FBXO42: variants seen among roughly 807,000 people sequenced by gnomAD.
FBXO42 encodes the protein F-box only protein 42.
In FBXO42, 12 loss-of-function variants were observed where a neutral mutation model predicts 71.7. The observed-to-expected ratio is 0.17, with a 90% CI of 0.11 to 0.27. The LOEUF (loss-of-function observed/expected upper bound fraction) is 0.27. Among genes scored for constraint, FBXO42 ranks in the 10% least tolerant of loss-of-function variants. The pLI is 1.00. For synonymous variants in FBXO42, 325 were observed against 327.5 expected (o/e 0.99, Z 0.08); for missense variants, 707 against 911.9 (o/e 0.78, Z 2.89).
chr1:16,344,252 C>T (rs1274116832), intron 1 of FBXO42, among the ~76,000 whole-genome samples: 2 of 151,698 alleles, frequency 1.3e-5, no homozygotes, highest in Non-Finnish European at 2.9e-5. Context: ...CCCGTCTCAG[C>T]CTCCCAAAGT....
chr1:16,297,169 C>T (rs1384021657), intron 3 of FBXO42, among the ~76,000 whole-genome samples: 1 of 152,052 alleles, frequency 6.6e-6, no homozygotes. Flanking sequence ...GTCTCGAACT[C>T]CTGACCTCAG....
intron 4 of FBXO42, among the ~76,000 whole-genome samples, chr1:16,290,248 A>G (rs2082063989): frequency 6.6e-6 from 1 of 152,194 alleles, no homozygotes; most frequent in African/African-American, 2.4e-5. Flanking sequence ...ATTAATTCCA[A>G]CTGGTATAGA....
At chr1:16,315,130 T>A in intron 2 of FBXO42, 39 bp downstream of exon 2, 4 of 1,550,272 alleles carry the variant, frequency 2.6e-6, no homozygotes, top group Non-Finnish European at 3.5e-6. Context: ...TCAGTGAAAT[T>A]TGAAATCAAT....
At position 16,250,769 on chromosome 1, in the gene FBXO42, C is replaced by T; in HGVS notation, c.2055G>A (p.Arg685=). 3 of 1,614,174 alleles carry T rather than the reference C, an allele frequency of 1.9e-6. No homozygotes were observed. The highest frequency in any genetic ancestry group is 2.5e-6 in the Non-Finnish European group (3 of 1,180,040). ...ETSLHTVVQG[R]GELIIFGGLM... is the part of the protein sequence containing the mutation. ...GTCCTCCAAATATGATGAGTTCACCCCTGCCTTGTACCACGGTATGCAGGC... is the reference window on the plus strand; with the variant it reads ...GTCCTCCAAATATGATGAGTTCACCTCTGCCTTGTACCACGGTATGCAGGC... The change falls in exon 10 of 10, where the codon AGG becomes AGA. Residue 685 remains arginine (R), a synonymous_variant. Transcript: ENST00000375592. The surrounding 1 kb of genome is among the most constrained non-coding windows in gnomAD (Gnocchi z 4.7).
chr1:16,257,668 G>A (rs1405848228), intron 4 of FBXO42, among the ~76,000 whole-genome samples: 1 of 152,132 alleles, frequency 6.6e-6, no homozygotes, highest in Non-Finnish European at 1.5e-5. Flanking sequence ...CCAGGTGTCA[G>A]TAAATACCAG....
Position 16,316,031 on chromosome 1 carries a change from A to G in FBXO42, c.-17-596T>C, listed in dbSNP as rs190141000. On this transcript the variant is annotated intron_variant, in intron 1 of 9. Transcript: ENST00000375592. Reference sequence around the variant, plus strand: ...ACTAAAAATTGAAAATTAGCTGGGCATGGTGGCACATGCCTGTAATCCCAG... The same window carrying G: ...ACTAAAAATTGAAAATTAGCTGGGCGTGGTGGCACATGCCTGTAATCCCAG... Among the ~76,000 whole-genome samples the G allele has an allele frequency of 9.2e-3, 1,403 of 152,082 alleles. 12 individuals are homozygous for G. Among genetic ancestry groups the G allele is most frequent in the Non-Finnish European group, 0.013 (859 of 67,954 alleles).
chr1:16,345,796 C>T (rs950264352), intron 1 of FBXO42, among the ~76,000 whole-genome samples: 6 of 148,314 alleles, frequency 4.0e-5, no homozygotes, highest in African/African-American at 1.3e-4. Context: ...TGCAGTGAGC[C>T]GAGATCAAGC....
At chr1:16,326,972 T>C (rs1218459886) in intron 1 of FBXO42, among the ~76,000 whole-genome samples, 1 of 152,172 alleles carries the variant, frequency 6.6e-6, no homozygotes, top group Non-Finnish European at 1.5e-5. Context: ...GGAAGCCTGC[T>C]CACTTACACA....
intron 1 of FBXO42, among the ~76,000 whole-genome samples, chr1:16,316,838 A>G (rs2082371531): frequency 6.6e-6 from 1 of 152,124 alleles, no homozygotes; most frequent in South Asian, 2.1e-4. Context: ...ATGAATCATT[A>G]AGAGATCCAG....
At position 16,315,445 on chromosome 1, in the gene FBXO42, G is replaced by C; in HGVS notation, c.-17-10C>G. Reference sequence around the variant, plus strand: ...ACATTCCACTCAACAGCTGTAATAGGTAAAACATAAATATCAGTATTCCAC... The same window carrying C: ...ACATTCCACTCAACAGCTGTAATAGCTAAAACATAAATATCAGTATTCCAC... On this transcript the variant is annotated splice_polypyrimidine_tract_variant and intron_variant, in intron 1 of 9. Coordinates refer to ENST00000375592, the MANE Select transcript of FBXO42 (RefSeq NM_018994.3). 6.2e-7 allele frequency: 1 copy of C among 1,607,644 alleles called. No individual in the cohort carries two copies. The highest frequency in any genetic ancestry group is 8.5e-7 in the Non-Finnish European group (1 of 1,176,510).
intron 4 of FBXO42, 177 bp downstream of exon 4, chr1:16,294,606 C>G: frequency 1.6e-6 from 1 of 642,880 alleles, no homozygotes; most frequent in Admixed American, 3.4e-5. Flanking sequence ...TATAATTTAA[C>G]AAAAAACAAA....
intron 1 of FBXO42, among the ~76,000 whole-genome samples, chr1:16,322,507 C>T (rs1029257795): frequency 2.6e-4 from 39 of 152,186 alleles, no homozygotes; most frequent in African/African-American, 9.4e-4. Flanking sequence ...ACCTGGGAGG[C>T]GGAGGTTGCA....
chr1:16,301,663 C>T (rs2100546176), intron 3 of FBXO42, among the ~76,000 whole-genome samples: 1 of 138,654 alleles, frequency 7.2e-6, no homozygotes, highest in East Asian at 2.1e-4. Context: ...AGAGTGAGAC[C>T]CCATCTCAAA....
At chr1:16,324,484 T>C (rs766221070) in intron 1 of FBXO42, among the ~76,000 whole-genome samples, 5 of 152,242 alleles carry the variant, frequency 3.3e-5, no homozygotes, top group Admixed American at 2.0e-4. Flanking sequence ...CTAACTAGTA[T>C]AAGGAAGGTT....
chr1:16,326,339 A>T (rs1268068258), intron 1 of FBXO42, among the ~76,000 whole-genome samples: 1 of 151,192 alleles, frequency 6.6e-6, no homozygotes, highest in Non-Finnish European at 1.5e-5. Flanking sequence ...TACAGGCATG[A>T]GCCACCGTGC....
At chr1:16,285,374 A>G (rs1247201488) in intron 4 of FBXO42, among the ~76,000 whole-genome samples, 1 of 151,892 alleles carries the variant, frequency 6.6e-6, no homozygotes, top group Non-Finnish European at 1.5e-5. Flanking sequence ...CCTGGGTTCA[A>G]GTGATTCTCC....
chr1:16,316,900 A>G (rs78633396), intron 1 of FBXO42, among the ~76,000 whole-genome samples: 4,042 of 152,246 alleles, frequency 0.027, 182 homozygotes, highest in African/African-American at 0.09. Flanking sequence ...GAGCAAATAA[A>G]TTGTGGTACA....
Position 16,252,596 on chromosome 1 carries a change from T to C in FBXO42, c.922-192A>G, listed in dbSNP as rs1207160388. Among the ~76,000 whole-genome samples, 1 of 152,238 alleles carries C rather than the reference T, an allele frequency of 6.6e-6. No homozygotes were observed. The highest frequency in any genetic ancestry group is 1.5e-5 in the Non-Finnish European group (1 of 68,040). ...CTTACGCTTTCATTCATTCATATATTACCACTGGCTTAGCACATGGAATTG... is the reference window on the plus strand; with the variant it reads ...CTTACGCTTTCATTCATTCATATATCACCACTGGCTTAGCACATGGAATTG... On this transcript the variant is annotated intron_variant, in intron 8 of 9. Coordinates refer to ENST00000375592, the MANE Select transcript of FBXO42 (RefSeq NM_018994.3). The surrounding 1 kb of genome is among the most constrained non-coding windows in gnomAD (Gnocchi z 4.4).
chr1:16,298,821 A>C (rs1375034847), intron 3 of FBXO42, among the ~76,000 whole-genome samples: 2 of 151,442 alleles, frequency 1.3e-5, no homozygotes, highest in Non-Finnish European at 2.9e-5. Flanking sequence ...ATGTCCTATG[A>C]CTTCTGAAAC....
Sources: allele counts gnomAD v4.1 joint callset (sites outside exome capture counted in the v4.1 genomes callset), GRCh38; gene constraint gnomAD v4.1.1; non-coding constraint Gnocchi (gnomAD v3.1); transcripts MANE v1.5; gene names NCBI Gene and HGNC (gene_info 2026-07-23, HGNC 2026-07-21).